The following EGFLAM variants were observed in gnomAD, a reference collection of about 807,000 sequenced individuals.
The protein encoded by EGFLAM is EGF like, fibronectin type III and laminin G domains.
A neutral mutation model predicts 113.1 loss-of-function variants in EGFLAM; 79 were observed. The observed-to-expected ratio is 0.70, with a 90% CI of 0.58 to 0.84. The LOEUF is 0.84. EGFLAM is among the 40% of genes least tolerant of loss of function. The pLI is 0.00. For missense variants in EGFLAM, 1,265 were observed against 1,291.6 expected, an observed-to-expected ratio of 0.98 and a Z score of 0.32; for synonymous variants, 504 against 487.6, an observed-to-expected ratio of 1.03 and a Z score of -0.44.
chr5:38,381,526 A>T (rs1466458395), intron 6 of EGFLAM, among the ~76,000 whole-genome samples: 1 of 152,202 alleles, frequency 6.6e-6, no homozygotes, highest in African/African-American at 2.4e-5. Flanking sequence ...CTGGCACGAA[A>T]TAGAGGCATA....
intron 5 of EGFLAM, among the ~76,000 whole-genome samples, chr5:38,363,520 A>G (rs370844940): frequency 7.2e-5 from 11 of 152,226 alleles, no homozygotes; most frequent in South Asian, 4.1e-4. Context: ...TAGAATCACA[A>G]GTATTTTCTT....
chr5:38,441,703 C>A (rs933623690), intron 17 of EGFLAM, among the ~76,000 whole-genome samples: 1 of 152,080 alleles, frequency 6.6e-6, no homozygotes, highest in Non-Finnish European at 1.5e-5. Context: ...ACAATTCTCT[C>A]TCTTCTGCAG....
chr5:38,356,511 T>C (rs940537371), intron 5 of EGFLAM, among the ~76,000 whole-genome samples: 11 of 152,188 alleles, frequency 7.2e-5, no homozygotes, highest in African/African-American at 2.7e-4. Flanking sequence ...AAATGACTGG[T>C]TGGGGACAGA....
chr5:38,283,721 C>T (rs576852918), intron 1 of EGFLAM, among the ~76,000 whole-genome samples: 1 of 152,336 alleles, frequency 6.6e-6, no homozygotes, highest in South Asian at 2.1e-4. Context: ...ACCTCTCTGA[C>T]TCCATGGGAT....
chr5:38,350,464 C>T, intron 3 of EGFLAM, 37 bp from the exon 4 acceptor site: 1 of 1,594,360 alleles, frequency 6.3e-7, no homozygotes, highest in Non-Finnish European at 8.6e-7. Context: ...AACAGATGTA[C>T]TGATTGTTAG....
At chr5:38,307,580 T>A (rs186961234) in intron 1 of EGFLAM, among the ~76,000 whole-genome samples, 64 of 152,358 alleles carry the variant, frequency 4.2e-4, no homozygotes, top group Non-Finnish European at 5.3e-4. Flanking sequence ...AATTACCCAG[T>A]CTCAGGCAGC....
intron 6 of EGFLAM, among the ~76,000 whole-genome samples, chr5:38,389,984 G>T (rs1193771620): frequency 6.6e-6 from 1 of 152,052 alleles, no homozygotes; most frequent in African/African-American, 2.4e-5. Context: ...GTTATTTTAA[G>T]TGTGGTGAAA....
chr5:38,411,830 CAG>C (rs1741490140), intron 10 of EGFLAM, among the ~76,000 whole-genome samples: 2 of 151,508 alleles, frequency 1.3e-5, no homozygotes, highest in Admixed American at 6.6e-5. Context: ...ATTTTTGAGA[CAG>C]AGTTTCACTC....
At chr5:38,280,836 T>A (rs1221174983) in intron 1 of EGFLAM, among the ~76,000 whole-genome samples, 1 of 152,224 alleles carries the variant, frequency 6.6e-6, no homozygotes, top group African/African-American at 2.4e-5. Context: ...ATTTATATGT[T>A]CCTCCTTAGG....
At chr5:38,287,369 CT>C (rs565842904) in intron 1 of EGFLAM, among the ~76,000 whole-genome samples, 6 of 151,138 alleles carry the variant, frequency 4.0e-5, no homozygotes, top group Non-Finnish European at 5.9e-5. Context: ...TGCAGCCCTC[CT>C]TTTTTTTTCG....
intron 3 of EGFLAM, among the ~76,000 whole-genome samples, chr5:38,344,109 G>C (rs1427910688): frequency 1.3e-5 from 2 of 152,228 alleles, no homozygotes; most frequent in African/African-American, 4.8e-5. Context: ...GGAGGTAAAG[G>C]CAAGGTCTGA....
intron 1 of EGFLAM, among the ~76,000 whole-genome samples, chr5:38,312,118 C>T (rs1738458742): frequency 6.6e-6 from 1 of 152,062 alleles, no homozygotes; most frequent in Admixed American, 6.6e-5. Context: ...ATGCAATAAT[C>T]TCTGTATGGT....
chr5:38,369,946 A>C (rs1307478554), intron 5 of EGFLAM, among the ~76,000 whole-genome samples: 1 of 152,186 alleles, frequency 6.6e-6, no homozygotes, highest in African/African-American at 2.4e-5. Context: ...GGGGATGGGG[A>C]CTGCCAAAGG....
At chr5:38,387,722 T>C (rs1417090108) in intron 6 of EGFLAM, among the ~76,000 whole-genome samples, 6 of 152,272 alleles carry the variant, frequency 3.9e-5, no homozygotes, top group African/African-American at 1.4e-4. Flanking sequence ...AATATGCCAA[T>C]ACCAATTTGA....
chr5:38,368,978 T>C (rs1380786918), intron 5 of EGFLAM, among the ~76,000 whole-genome samples: 2 of 152,184 alleles, frequency 1.3e-5, no homozygotes, highest in Non-Finnish European at 2.9e-5. Flanking sequence ...TTGACGTTAT[T>C]AGCCATTAAC....
chr5:38,376,080 G>T (rs192103527), intron 6 of EGFLAM, among the ~76,000 whole-genome samples: 14 of 151,884 alleles, frequency 9.2e-5, no homozygotes, highest in African/African-American at 3.4e-4. Flanking sequence ...CTGCAAGAAA[G>T]AAACACCAGC....
In EGFLAM at chr5:38,350,530, C is replaced by T. The variant is rs1408022226; in HGVS notation, c.321C>T (p.Gly107=). ...AAGTGATTGGAGATTTGAAACCAGG[C>T]ACTGAATATCGTGTGAGCATAGCAG... ...TEEVIGDLKP[G]TEYRVSIAAY... The change falls in exon 4 of 22, where the codon GGC becomes GGT. Residue 107 remains glycine (G), a synonymous_variant. Coordinates refer to ENST00000322350, the MANE Select transcript of EGFLAM (RefSeq NM_152403.4). 1.9e-6 allele frequency: 3 copies of T among 1,613,878 alleles called. No individual in the cohort carries two copies. The highest frequency in any genetic ancestry group is 4.5e-5 in the East Asian group (2 of 44,852).
chr5:38,387,232 T>A (rs1469764389), intron 6 of EGFLAM, among the ~76,000 whole-genome samples: 1 of 152,168 alleles, frequency 6.6e-6, no homozygotes, highest in Non-Finnish European at 1.5e-5. Context: ...TGGGCTAATA[T>A]AAAACCACCT....
chr5:38,350,713 A>G, intron 4 of EGFLAM, 95 bp downstream of exon 4: 1 of 1,199,396 alleles, frequency 8.3e-7, no homozygotes, highest in South Asian at 1.4e-5. Flanking sequence ...TGTGCCAAGC[A>G]CTGTGCTAGG....
Sources: allele counts gnomAD v4.1 joint callset (sites outside exome capture counted in the v4.1 genomes callset), GRCh38; gene constraint gnomAD v4.1.1; transcripts MANE v1.5; gene names NCBI Gene and HGNC (gene_info 2026-07-23, HGNC 2026-07-21).